ARHGAP6: variants seen among roughly 807,000 people sequenced by gnomAD.
ARHGAP6 encodes the protein Rho GTPase activating protein 6.
Under a neutral mutation model 55.7 loss-of-function variants are expected in ARHGAP6, and 16 were observed. That is an observed-to-expected ratio of 0.29 (90% CI 0.19 to 0.44). The LOEUF is 0.44. Among genes scored for constraint, ARHGAP6 ranks in the 20% least tolerant of loss-of-function variants. The pLI is 1.00. For missense variants in ARHGAP6, 698 were observed against 808.9 expected (o/e 0.86, Z 1.66); for synonymous variants, 382 against 360.9 (o/e 1.06, Z -0.66).
intron 1 of ARHGAP6, among the ~76,000 whole-genome samples, chrX:11,485,350 C>A (rs772486597): frequency 1.4e-4 from 15 of 106,637 alleles, no homozygotes; most frequent in African/African-American, 5.3e-4. Context: ...GAGAAGTAAG[C>A]TTCCAAAAAA....
chrX:11,211,310 C>T (rs1352590137), intron 2 of ARHGAP6, among the ~76,000 whole-genome samples: 1 of 106,544 alleles, frequency 9.4e-6, no homozygotes, highest in Non-Finnish European at 1.9e-5. Flanking sequence ...CAAGCTCCGC[C>T]TCCTGGGTTC....
intron 1 of ARHGAP6, chrX:11,298,758 C>T: frequency 8.3e-7 from 1 of 1,211,229 alleles, no homozygotes; most frequent in Non-Finnish European, 1.1e-6. Flanking sequence ...CCAGCCAAAC[C>T]TCCCTCCGCC....
At chrX:11,182,895 T>A (rs994647718) in intron 5 of ARHGAP6, among the ~76,000 whole-genome samples, 2 of 110,967 alleles carry the variant, frequency 1.8e-5, no homozygotes, top group Non-Finnish European at 3.8e-5. Flanking sequence ...AGATTACAGG[T>A]GTGAGCCACT....
chrX:11,286,337 T>C (rs937129693), intron 1 of ARHGAP6, among the ~76,000 whole-genome samples: 2 of 111,540 alleles, frequency 1.8e-5, no homozygotes, highest in Admixed American at 9.5e-5. Context: ...TGAGTGTTTT[T>C]CCCCACCAGC....
chrX:11,419,646 C>G (rs1603196107), intron 1 of ARHGAP6, among the ~76,000 whole-genome samples: 1 of 111,957 alleles, frequency 8.9e-6, no homozygotes, highest in East Asian at 2.8e-4. Flanking sequence ...GGATTTGTGC[C>G]CATGTGGAGA....
intron 1 of ARHGAP6, among the ~76,000 whole-genome samples, chrX:11,337,524 C>T (rs2048654508): frequency 1.8e-5 from 2 of 112,110 alleles, no homozygotes; most frequent in Admixed American, 1.9e-4. Flanking sequence ...TAAACTGGAG[C>T]TTCAAAAACA....
chrX:11,358,481 CTTTCT>C (rs1175158655), intron 1 of ARHGAP6, among the ~76,000 whole-genome samples: 21 of 58,907 alleles, frequency 3.6e-4, no homozygotes, highest in South Asian at 3.2e-3. Flanking sequence ...TTCTTTCTTT[CTTTCT>C]TTTTTTTTTT....
chrX:11,559,978 T>C (rs1351043589), intron 1 of ARHGAP6, among the ~76,000 whole-genome samples: 2 of 94,053 alleles, frequency 2.1e-5, no homozygotes, highest in Non-Finnish European at 4.3e-5. Flanking sequence ...AGGAATTCAC[T>C]ATATTGAAAA....
intron 1 of ARHGAP6, among the ~76,000 whole-genome samples, chrX:11,321,847 A>C (rs1038747652): frequency 1.8e-5 from 2 of 112,502 alleles, no homozygotes; most frequent in Non-Finnish European, 3.8e-5. Context: ...AAACATTAAA[A>C]ATTAAAACAA....
At chrX:11,397,483 T>C (rs750580066) in intron 1 of ARHGAP6, among the ~76,000 whole-genome samples, 1 of 111,709 alleles carries the variant, frequency 9.0e-6, no homozygotes, top group African/African-American at 3.3e-5. Context: ...TAATGTATAA[T>C]GTATGGTATA....
chrX:11,633,644 T>C (rs753443444), intron 1 of ARHGAP6, among the ~76,000 whole-genome samples: 1 of 112,235 alleles, frequency 8.9e-6, no homozygotes, highest in Middle Eastern at 4.2e-3. Context: ...GTGGAAGGCG[T>C]CTGGACAGAC....
intron 2 of ARHGAP6, among the ~76,000 whole-genome samples, chrX:11,228,651 A>G (rs2047088352): frequency 8.9e-6 from 1 of 112,477 alleles, no homozygotes; most frequent in Non-Finnish European, 1.9e-5. Flanking sequence ...TTAAAAACTC[A>G]GGATTGATGT....
intron 1 of ARHGAP6, among the ~76,000 whole-genome samples, chrX:11,256,639 G>A (rs916531912): frequency 1.8e-5 from 2 of 111,685 alleles, no homozygotes; most frequent in Non-Finnish European, 3.8e-5. Flanking sequence ...TAAGTAAAAG[G>A]AATGGTGTGT....
intron 11 of ARHGAP6, 81 bp downstream of exon 11, chrX:11,143,899 G>A (rs1484536301): frequency 5.8e-6 from 7 of 1,205,979 alleles, no homozygotes; most frequent in Non-Finnish European, 7.8e-6. Context: ...GAGAAGGTCC[G>A]AAGAGCCCCA....
At chrX:11,365,087 T>C (rs2049058959) in intron 1 of ARHGAP6, among the ~76,000 whole-genome samples, 1 of 112,057 alleles carries the variant, frequency 8.9e-6, no homozygotes, top group Non-Finnish European at 1.9e-5. Flanking sequence ...GAAAGTCTCC[T>C]GCTATGAAAG....
intron 1 of ARHGAP6, among the ~76,000 whole-genome samples, chrX:11,559,733 C>T (rs184067286): frequency 0.034 from 3,769 of 109,330 alleles, 72 homozygotes; most frequent in Non-Finnish European, 0.056. Context: ...CAAGACCATC[C>T]CGGCTAACAC....
intron 1 of ARHGAP6, among the ~76,000 whole-genome samples, chrX:11,293,784 T>C (rs1029390450): frequency 1.8e-5 from 2 of 112,336 alleles, no homozygotes; most frequent in African/African-American, 6.5e-5. Context: ...TTGAAAAGCT[T>C]TTTATTTAAT....
chrX:11,563,223 G>C (rs1399741540), intron 1 of ARHGAP6, among the ~76,000 whole-genome samples: 1 of 111,523 alleles, frequency 9.0e-6, no homozygotes, highest in Non-Finnish European at 1.9e-5. Context: ...GAATTCATTT[G>C]AAATAAGTAA....
chrX:11,406,085 T>C (rs1267058710), intron 1 of ARHGAP6, among the ~76,000 whole-genome samples: 2 of 111,036 alleles, frequency 1.8e-5, no homozygotes, highest in Non-Finnish European at 3.8e-5. Context: ...ATTTTATTTT[T>C]AGAGACAGGG....
Sources: allele counts gnomAD v4.1 joint callset (sites outside exome capture counted in the v4.1 genomes callset), GRCh38; gene constraint gnomAD v4.1.1; transcripts MANE v1.5; gene names NCBI Gene and HGNC (gene_info 2026-07-23, HGNC 2026-07-21).